The following LRCH3 variants were observed in gnomAD, a reference collection of about 807,000 sequenced individuals.
LRCH3 encodes the protein DISP complex protein LRCH3.
A neutral mutation model predicts 104.5 loss-of-function variants in LRCH3; 68 were observed. The observed-to-expected ratio is 0.65, with a 90% CI of 0.54 to 0.80. The LOEUF (loss-of-function observed/expected upper bound fraction) is 0.80, where lower values mean the gene tolerates loss of function less well. Ranked by LOEUF, LRCH3 falls within the 30% of genes least tolerant of loss-of-function variation. The probability of loss-of-function intolerance (pLI) is 0.00; values close to 1 mark genes in which losing one functional copy is unlikely to be tolerated. For synonymous variants in LRCH3, 344 were observed against 361.3 expected, an observed-to-expected ratio of 0.95 and a Z score of 0.54; for missense variants, 951 against 953.9, an observed-to-expected ratio of 1.00 and a Z score of 0.04.
rs942045943 is a variant in LRCH3, at chr3:197,885,291, T to G, written c.*1625T>G. 7.2e-5 allele frequency: 11 copies of G among 152,352 alleles called. No homozygotes were observed. Among genetic ancestry groups the G allele is most frequent in the Non-Finnish European group, 1.5e-4 (10 of 68,054 alleles). 9.4% of individuals were successfully genotyped at this position (152,352 alleles called of 1,614,324 possible). On this transcript the variant is annotated 3_prime_UTR_variant, in exon 21 of 21. Coordinates refer to ENST00000425562, the MANE Select transcript of LRCH3 (RefSeq NM_001365715.1). ...TGTATTTCTTTCAGGTAACTGCCAG[T>G]TTCTGTGGCTGAATTTAAGCACTTA... is the stretch of plus-strand genomic sequence containing the variant.
chr3:197,832,754 T>C (rs1736135459), intron 8 of LRCH3, among the ~76,000 whole-genome samples: 1 of 151,900 alleles, frequency 6.6e-6, no homozygotes, highest in Non-Finnish European at 1.5e-5. Context: ...CAAAGTCATC[T>C]GAATCACAGT....
At chr3:197,853,832 A>G (rs992824575) in intron 13 of LRCH3, among the ~76,000 whole-genome samples, 5 of 152,216 alleles carry the variant, frequency 3.3e-5, no homozygotes, top group Non-Finnish European at 7.3e-5. Context: ...TGGTAATAAT[A>G]CTAACACATT....
chr3:197,835,495 G>T, intron 8 of LRCH3, among the ~76,000 whole-genome samples, 179 bp from the exon 9 acceptor site: 1 of 61,906 alleles, frequency 1.6e-5, no homozygotes. Context: ...ACATAAAATG[G>T]GTAAAAAAAA....
At chr3:197,850,399 T>C (rs1739417475) in intron 12 of LRCH3, 2 of 1,243,350 alleles carry the variant, frequency 1.6e-6, no homozygotes, top group Non-Finnish European at 2.3e-6. Context: ...TAATGCTGAA[T>C]TTACTCCCGT....
intron 20 of LRCH3, chr3:197,882,228 G>A (rs752886094): frequency 1.9e-4 from 191 of 985,266 alleles, no homozygotes; most frequent in Non-Finnish European, 2.2e-4. Flanking sequence ...GCTGCTGAGA[G>A]GAAGAGACCA....
Position 197,829,568 on chromosome 3 carries a change from G to C in LRCH3, c.782G>C (p.Cys261Ser), listed in dbSNP as rs1735655392. 2 of 1,604,558 alleles carry C rather than the reference G, an allele frequency of 1.2e-6. No homozygotes were observed. Among genetic ancestry groups the C allele is most frequent in the Non-Finnish European group, 1.7e-6 (2 of 1,175,312 alleles). ...CATCTGTGTGACTTTATTTAGATAT[G>C]TATAAAAGGCAAAGTCCACATATTT... ...NPLQSPPAQI[C>S]IKGKVHIFKY... Residue 261 changes from cysteine to serine, a missense_variant, in exon 6 of 21, where the codon TGT (cysteine) becomes TCT (serine). Coordinates refer to ENST00000425562, the MANE Select transcript of LRCH3 (RefSeq NM_001365715.1).
In LRCH3 at chr3:197,817,360, G is replaced by GTGTGTA; in HGVS notation, c.534+59_534+60insGTGTAT. ...TGTGTGTGTGTCTGTGTGTGTGTGT[G>GTGTGTA]TATATATATATATATATATGAAACC... is the stretch of plus-strand genomic sequence containing the variant. On this transcript the variant is annotated intron_variant, in intron 3 of 20. Transcript: ENST00000425562. 2.1e-4 allele frequency: 19 copies of GTGTGTA among 90,034 alleles called. No individual in the cohort carries two copies. The East Asian group carries it at 5.5e-3, about 26-fold the overall frequency. The allele number at this position is 90,034 out of a possible 1,614,324, so 5.6% of individuals were successfully genotyped here. A position where few individuals can be genotyped will look rare whatever the true frequency, so the allele number is the denominator to read the frequency against.
At chr3:197,881,962 G>C in intron 20 of LRCH3, 1 of 985,454 alleles carries the variant, frequency 1.0e-6, no homozygotes, top group Non-Finnish European at 1.2e-6. Context: ...TCAACACTGT[G>C]ATGATGAAAA....
intron 9 of LRCH3, among the ~76,000 whole-genome samples, chr3:197,838,441 GT>G (rs1737238032): frequency 1.4e-5 from 2 of 141,112 alleles, no homozygotes; most frequent in African/African-American, 6.2e-5. Context: ...TTTCTTGGAG[GT>G]AGATGCTATT....
At chr3:197,797,884 A>AC (rs1731432028) in intron 1 of LRCH3, among the ~76,000 whole-genome samples, 21 of 127,712 alleles carry the variant, frequency 1.6e-4, no homozygotes, top group African/African-American at 6.9e-4. Flanking sequence ...CAAAAAAAAC[A>AC]AAAAAAAAAA....
intron 19 of LRCH3, 72 bp downstream of exon 19, chr3:197,871,534 T>C: frequency 5.0e-6 from 8 of 1,587,586 alleles, no homozygotes; most frequent in Non-Finnish European, 6.9e-6. Flanking sequence ...AGACATTTCT[T>C]AAGCATTGTG....
intron 18 of LRCH3, 140 bp from the exon 19 acceptor site, chr3:197,871,185 A>T: frequency 3.1e-6 from 2 of 645,938 alleles, no homozygotes. Flanking sequence ...AGTTAAACTT[A>T]GGATAGAGGG....
intron 1 of LRCH3, among the ~76,000 whole-genome samples, chr3:197,797,537 A>C (rs188667379): frequency 3.3e-5 from 5 of 152,164 alleles, no homozygotes; most frequent in Non-Finnish European, 7.4e-5. Context: ...AAAAAGATTC[A>C]GTAACTAGGC....
At chr3:197,870,613 G>A (rs933511259) in intron 18 of LRCH3, among the ~76,000 whole-genome samples, 3 of 152,166 alleles carry the variant, frequency 2.0e-5, no homozygotes, top group African/African-American at 7.2e-5. Flanking sequence ...TGATCCACTG[G>A]CCTCGACCTC....
intron 1 of LRCH3, among the ~76,000 whole-genome samples, chr3:197,800,988 A>G (rs1387622425): frequency 3.3e-5 from 5 of 151,774 alleles, no homozygotes; most frequent in African/African-American, 9.7e-5. Flanking sequence ...TTAGCTACTC[A>G]GGAGGCTGAG....
rs1031867203 is a variant in LRCH3 at position 197,796,977 on chromosome 3, G to C, written c.262+5437G>C. On this transcript the variant is annotated intron_variant, in intron 1 of 20. Coordinates refer to ENST00000425562, the MANE Select transcript of LRCH3 (RefSeq NM_001365715.1). ...GGAGGCTGAGGTGGGTGGATCACGA[G>C]ATCAGGAGTTCAAGACCAGCCTGGC... Among the ~76,000 whole-genome samples, 14 of 152,228 alleles carry C rather than the reference G, an allele frequency of 9.2e-5. No individual in the cohort carries two copies. The East Asian group carries it at 2.5e-3, about 27-fold the overall frequency.
At chr3:197,882,075 A>ACC in intron 20 of LRCH3, 8 of 985,416 alleles carry the variant, frequency 8.1e-6, no homozygotes, top group Non-Finnish European at 9.6e-6. Context: ...AAAAACACAC[A>ACC]CAGGCTCTCA....
intron 4 of LRCH3, 146 bp downstream of exon 4, chr3:197,820,576 C>T (rs1463837510): frequency 5.0e-6 from 3 of 601,374 alleles, no homozygotes; most frequent in South Asian, 4.2e-5. Flanking sequence ...TTTGGGAGGC[C>T]GATGAGGGAG....
intron 8 of LRCH3, among the ~76,000 whole-genome samples, chr3:197,832,748 G>A (rs1005413522): frequency 1.4e-5 from 2 of 146,282 alleles, no homozygotes; most frequent in African/African-American, 5.1e-5. Flanking sequence ...GCTCTTCAAA[G>A]TCATCTGAAT....
Sources: allele counts gnomAD v4.1 joint callset (sites outside exome capture counted in the v4.1 genomes callset), GRCh38; gene constraint gnomAD v4.1.1; transcripts MANE v1.5; gene names NCBI Gene and HGNC (gene_info 2026-07-23, HGNC 2026-07-21).